RPH3AL: variants seen among roughly 807,000 people sequenced by gnomAD.
RPH3AL encodes rab effector Noc2.
RPH3AL carries 38 observed loss-of-function variants against 43.1 expected under a neutral mutation model. That is an observed-to-expected ratio of 0.88 (90% confidence interval 0.68 to 1.15). RPH3AL has a LOEUF of 1.15. RPH3AL is among the 50% of genes most tolerant of loss of function. The pLI, the probability that RPH3AL is intolerant of heterozygous loss-of-function variation, is 0.00. For missense variants in RPH3AL, 462 were observed against 423.2 expected (o/e 1.09, Z -0.81); for synonymous variants, 189 against 176.3 (o/e 1.07, Z -0.57).
chr17:323,655 A>G lies in RPH3AL; in HGVS notation c.78-2240T>C, dbSNP rs577526081. 6.6e-6 allele frequency among the ~76,000 whole-genome samples: 1 copy of G among 152,278 alleles called. No homozygotes were observed. The highest frequency in any genetic ancestry group is 2.1e-4 in the South Asian group (1 of 4,828). ...TGTAGAGAAAGGAAGGGTCCCAGGA[A>G]CACACAGAAGGAGGGACAGAAGCAT... On this transcript the variant is annotated intron_variant, in intron 3 of 9. Transcript: ENST00000331302. The surrounding 1 kb of genome is among the most constrained non-coding windows in gnomAD (Gnocchi z 4.4).
Position 213,541 on chromosome 17 carries a change from C to G in RPH3AL, c.*311G>C, listed in dbSNP as rs1597859944. The stretch of plus-strand genomic sequence containing the variant: ...TCTGACACTGCATGTGGGAAACCCC[C>G]CAGCCCAACCCAAGACACGCGCAAA... On this transcript the variant is annotated 3_prime_UTR_variant, in exon 10 of 10. Transcript: ENST00000331302. 2 of 482,642 alleles carry G rather than the reference C, an allele frequency of 4.1e-6. No homozygotes were observed. The highest frequency in any genetic ancestry group is 7.6e-6 in the Non-Finnish European group (2 of 264,662). 29.9% of individuals were successfully genotyped at this position (482,642 alleles called of 1,614,324 possible). A position where few individuals can be genotyped will look rare whatever the true frequency, so the allele number is the denominator to read the frequency against.
rs74953216 is a variant in RPH3AL at position 290,099 on chromosome 17, A to T, written c.352-8245T>A. ...AAATGGAAGCTACTTAAGATATTAC[A>T]GTTGAAAAAGCAAGACAGGCTCCCT... is the stretch of plus-strand genomic sequence containing the variant. On this transcript the variant is annotated intron_variant, in intron 5 of 9. Coordinates refer to ENST00000331302, the MANE Select transcript of RPH3AL (RefSeq NM_006987.4). This position sits in a 1 kb window ranked among gnomAD's most constrained non-coding sequence, Gnocchi z 4.2. Among the ~76,000 whole-genome samples, 2 of 152,250 alleles carry T rather than the reference A, an allele frequency of 1.3e-5. No homozygotes were observed. Among genetic ancestry groups the T allele is most frequent in the Non-Finnish European group, 2.9e-5 (2 of 68,050 alleles).
Position 290,128 on chromosome 17 carries a change from G to A in RPH3AL, c.352-8274C>T, listed in dbSNP as rs762087561. On this transcript the variant is annotated intron_variant, in intron 5 of 9. Coordinates refer to ENST00000331302, the MANE Select transcript of RPH3AL (RefSeq NM_006987.4). The surrounding 1 kb of genome is among the most constrained non-coding windows in gnomAD (Gnocchi z 4.2). ...GAAAAAGCAAGACAGGCTCCCTCCC[G>A]GAACATGCCGACCTGCCGGGAAGAC... Among the ~76,000 whole-genome samples, 6 of 152,246 alleles carry A rather than the reference G, an allele frequency of 3.9e-5. No homozygotes were observed. Among genetic ancestry groups the A allele is most frequent in the East Asian group, 1.9e-4 (1 of 5,200 alleles).
intron 1 of RPH3AL, among the ~76,000 whole-genome samples, chr17:345,640 A>G (rs1233026843): frequency 3.4e-5 from 4 of 117,612 alleles, no homozygotes; most frequent in Non-Finnish European, 5.9e-5. Flanking sequence ...CCCCATCTGC[A>G]CGCACACCCT....
At chr17:273,923 C>A (rs2042591695) in intron 6 of RPH3AL, among the ~76,000 whole-genome samples, 1 of 152,078 alleles carries the variant, frequency 6.6e-6, no homozygotes, top group South Asian at 2.1e-4. Flanking sequence ...TTCTAGGCCA[C>A]CCCCCCTCAG....
At chr17:252,473 T>G (rs1555542921) in intron 6 of RPH3AL, among the ~76,000 whole-genome samples, 1 of 152,192 alleles carries the variant, frequency 6.6e-6, no homozygotes. Context: ...TAGGCTAATG[T>G]AGATGCAACC....
chr17:272,176 C>A (rs1177128258), intron 6 of RPH3AL, among the ~76,000 whole-genome samples: 1 of 152,146 alleles, frequency 6.6e-6, no homozygotes, highest in Non-Finnish European at 1.5e-5. Context: ...ACTAGTTCAA[C>A]CATTGTGGAG....
At chr17:250,677 C>G (rs2041881133) in intron 6 of RPH3AL, among the ~76,000 whole-genome samples, 1 of 151,644 alleles carries the variant, frequency 6.6e-6, no homozygotes, top group Non-Finnish European at 1.5e-5. Context: ...CCTCTCAGAG[C>G]CTTTACCAAG....
At chr17:219,596 T>C (rs1156660461) in intron 8 of RPH3AL, 27 bp downstream of exon 8, 2 of 1,215,862 alleles carry the variant, frequency 1.6e-6, no homozygotes, top group Non-Finnish European at 1.1e-6. Context: ...GCCCGGCCAA[T>C]AAGCAGCATT....
rs901364341 is a variant in RPH3AL, at chr17:289,326, CA to C, written c.352-7473del. On this transcript the variant is annotated intron_variant, in intron 5 of 9. Coordinates refer to ENST00000331302, the MANE Select transcript of RPH3AL (RefSeq NM_006987.4). This position sits in a 1 kb window ranked among gnomAD's most constrained non-coding sequence, Gnocchi z 5.2. ...CAGCATCCATCAGTCACACAAGCCA[CA>C]ACCCAGCACTCATCCTGGGCCCCCA... Among the ~76,000 whole-genome samples the C allele has an allele frequency of 2.6e-5, 4 of 152,164 alleles. No homozygotes were observed. Among genetic ancestry groups the C allele is most frequent in the African/African-American group, 9.7e-5 (4 of 41,446 alleles).
intron 7 of RPH3AL, among the ~76,000 whole-genome samples, chr17:220,421 G>T (rs71247272): frequency 2.6e-5 from 3 of 116,400 alleles, no homozygotes; most frequent in Non-Finnish European, 4.2e-5. Flanking sequence ...CAGCTCGGAG[G>T]CCTCCACTCG....
intron 5 of RPH3AL, among the ~76,000 whole-genome samples, chr17:286,913 T>TCTCTCTCCACCATCAGACCTCACTCC (rs1555557623): frequency 0.032 from 2,921 of 92,272 alleles, 450 homozygotes; most frequent in East Asian, 0.09. Context: ...CCTCGCACCC[T>TCTCTCTCCACCATCAGACCTCACTCC]CTCTCTCCAC....
rs372761475 is a variant in RPH3AL, at chr17:258,757, G to GTTTTTTTT, written c.439-11480_439-11473dup. Among the ~76,000 whole-genome samples the GTTTTTTTT allele has an allele frequency of 1.5e-4, 15 of 98,770 alleles. 6 individuals carry two copies. The highest frequency in any genetic ancestry group is 1.5e-4 in the Non-Finnish European group (7 of 47,482). 64.8% of individuals were successfully genotyped at this position (98,770 alleles called of 152,430 possible). A position where few individuals can be genotyped will look rare whatever the true frequency, so the allele number is the denominator to read the frequency against. On this transcript the variant is annotated intron_variant, in intron 6 of 9. Transcript: ENST00000331302. ...TCAGCCATTTTGGGATAGTCAACCCGTTTTTTTTTTTTTTTTTTTTTGAGA... is the reference window on the plus strand; with the variant it reads ...TCAGCCATTTTGGGATAGTCAACCCGTTTTTTTTTTTTTTTTTTTTTTTTTTTTTGAGA...
rs545728885 is a variant in RPH3AL, at chr17:269,846, C to T, written c.438+11922G>A. 7.5e-4 allele frequency among the ~76,000 whole-genome samples: 114 copies of T among 152,352 alleles called. 1 individual carries two copies. The highest frequency in any genetic ancestry group is 3.7e-3 in the South Asian group (18 of 4,830). ...TCAGTGCCTCAGAGGCAAACTTCTCCAGTGCACAGACGTGGGCTCAGGTAG... is the reference window on the plus strand; with the variant it reads ...TCAGTGCCTCAGAGGCAAACTTCTCTAGTGCACAGACGTGGGCTCAGGTAG... On this transcript the variant is annotated intron_variant, in intron 6 of 9. Transcript: ENST00000331302.
chr17:273,079 A>T lies in RPH3AL; in HGVS notation c.438+8689T>A, dbSNP rs112527310. 6.3e-3 allele frequency among the ~76,000 whole-genome samples: 748 copies of T among 118,924 alleles called. 2 individuals are homozygous for T. The highest frequency in any genetic ancestry group is 0.022 in the African/African-American group (608 of 27,622). The allele number at this position is 118,924 out of a possible 152,430, so 78.0% of individuals were successfully genotyped here. A position where few individuals can be genotyped will look rare whatever the true frequency, so the allele number is the denominator to read the frequency against. On this transcript the variant is annotated intron_variant, in intron 6 of 9. Transcript: ENST00000331302. ...GACCCCAGCGAGGGCGACGTCAGGG[A>T]GAGACCCCAGCGAGGGTGACGTCAG...
intron 7 of RPH3AL, among the ~76,000 whole-genome samples, chr17:222,110 C>T (rs2041006131): frequency 6.6e-6 from 1 of 152,270 alleles, no homozygotes; most frequent in Admixed American, 6.5e-5. Context: ...AGACAAGGCC[C>T]AAGGCAATGC....
intron 1 of RPH3AL, among the ~76,000 whole-genome samples, chr17:334,788 G>A (rs1453098112): frequency 3.8e-5 from 3 of 78,180 alleles, no homozygotes; most frequent in Middle Eastern, 7.9e-3. Context: ...GAGGGACAGG[G>A]ACAAGGACAG....
chr17:248,535 C>T (rs948534396), intron 6 of RPH3AL, among the ~76,000 whole-genome samples: 22 of 152,306 alleles, frequency 1.4e-4, no homozygotes, highest in African/African-American at 4.6e-4. Context: ...GCCAGACAGA[C>T]ACCCCCAAAG....
At chr17:235,865 G>A (rs1256454145) in intron 7 of RPH3AL, among the ~76,000 whole-genome samples, 1 of 145,424 alleles carries the variant, frequency 6.9e-6, no homozygotes, top group Non-Finnish European at 1.5e-5. Flanking sequence ...TTCAAAGCTG[G>A]GGTCGGCCGA....
Sources: allele counts gnomAD v4.1 joint callset (sites outside exome capture counted in the v4.1 genomes callset), GRCh38; gene constraint gnomAD v4.1.1; non-coding constraint Gnocchi (gnomAD v3.1); transcripts MANE v1.5; gene names NCBI Gene and HGNC (gene_info 2026-07-23, HGNC 2026-07-21).